ENTPD3: variants seen among roughly 807,000 people sequenced by gnomAD.
The protein encoded by ENTPD3 is CD39 antigen-like 3.
A neutral mutation model predicts 51.2 loss-of-function variants in ENTPD3; 60 were observed. That is an observed-to-expected ratio of 1.17 (90% CI 0.95 to 1.45). ENTPD3 has a LOEUF of 1.45. ENTPD3 is among the 40% of genes most tolerant of loss of function. The pLI is 0.00. For missense variants in ENTPD3, 593 were observed against 641.1 expected (o/e 0.93, Z 0.81); for synonymous variants, 221 against 238.4 (o/e 0.93, Z 0.67).
intron 10 of ENTPD3, 141 bp from the exon 11 acceptor site, chr3:40,427,131 T>C (rs1956000626): frequency 2.9e-6 from 2 of 686,396 alleles, no homozygotes; most frequent in Non-Finnish European, 5.1e-6. Context: ...GTGTGGTGTC[T>C]TAACTTGGGC....
chr3:40,418,501 A>G (rs1955794655), intron 7 of ENTPD3, among the ~76,000 whole-genome samples: 1 of 152,214 alleles, frequency 6.6e-6, no homozygotes. Context: ...TTACTTTCTT[A>G]TCAATAAGTC....
At chr3:40,409,675 C>T (rs1440702091) in intron 4 of ENTPD3, among the ~76,000 whole-genome samples, 1 of 152,112 alleles carries the variant, frequency 6.6e-6, no homozygotes, top group Non-Finnish European at 1.5e-5. Context: ...AGGAAGTTTC[C>T]AGAGGGACCA....
At chr3:40,423,258 G>T in intron 8 of ENTPD3, 33 bp from the exon 9 acceptor site, 1 of 1,586,354 alleles carries the variant, frequency 6.3e-7, no homozygotes, top group South Asian at 1.1e-5. Context: ...CCCATTCTGA[G>T]AACTAATTTT....
chr3:40,400,615 A>C (rs933639553), intron 3 of ENTPD3, among the ~76,000 whole-genome samples: 1 of 152,134 alleles, frequency 6.6e-6, no homozygotes, highest in Non-Finnish European at 1.5e-5. Flanking sequence ...TATGGGGTGT[A>C]GACTTGGCAT....
intron 10 of ENTPD3, 99 bp downstream of exon 10, chr3:40,424,062 T>C: frequency 6.4e-7 from 1 of 1,566,086 alleles, no homozygotes; most frequent in Non-Finnish European, 8.6e-7. Context: ...ATTAATGAGT[T>C]AAACTCACTG....
intron 3 of ENTPD3, among the ~76,000 whole-genome samples, chr3:40,400,450 C>A (rs972841802): frequency 6.6e-6 from 1 of 152,048 alleles, no homozygotes; most frequent in African/African-American, 2.4e-5. Context: ...GTACCTCTCC[C>A]CAGAGGTCTG....
At chr3:40,405,250 A>G (rs1390809668) in intron 4 of ENTPD3, among the ~76,000 whole-genome samples, 1 of 152,158 alleles carries the variant, frequency 6.6e-6, no homozygotes, top group African/African-American at 2.4e-5. Flanking sequence ...TCATGCCTGT[A>G]ATCCCAGCAC....
At chr3:40,422,438 T>C (rs1259657765) in intron 7 of ENTPD3, among the ~76,000 whole-genome samples, 1 of 151,158 alleles carries the variant, frequency 6.6e-6, no homozygotes, top group Non-Finnish European at 1.5e-5. Flanking sequence ...ACATGTACCA[T>C]GCTGGTGTGC....
chr3:40,399,143 C>T (rs1041504128), intron 3 of ENTPD3, among the ~76,000 whole-genome samples: 1 of 151,972 alleles, frequency 6.6e-6, no homozygotes, highest in Non-Finnish European at 1.5e-5. Flanking sequence ...ATCGATTGAG[C>T]CTGAGAAGTT....
chr3:40,394,348 C>T, intron 3 of ENTPD3: 1 of 321,506 alleles, frequency 3.1e-6, no homozygotes, highest in Non-Finnish European at 6.4e-6. Context: ...TCTTGAACTC[C>T]TGACCTCAGG....
chr3:40,422,409 A>C (rs1955896727), intron 7 of ENTPD3, among the ~76,000 whole-genome samples: 1 of 149,566 alleles, frequency 6.7e-6, no homozygotes, highest in African/African-American at 2.5e-5. Context: ...CACAATGTGC[A>C]GGTTAGTTAC....
At chr3:40,417,948 G>A (rs185484203) in intron 7 of ENTPD3, among the ~76,000 whole-genome samples, 53 of 152,258 alleles carry the variant, frequency 3.5e-4, no homozygotes, top group African/African-American at 1.3e-3. Context: ...CCTATGGAAT[G>A]TGTGTGTTTC....
chr3:40,406,684 T>C (rs1246735523), intron 4 of ENTPD3, among the ~76,000 whole-genome samples: 2 of 152,156 alleles, frequency 1.3e-5, no homozygotes, highest in Non-Finnish European at 2.9e-5. Context: ...TCTTTTCGAT[T>C]GTCATGACTG....
At chr3:40,422,822 G>C in intron 7 of ENTPD3, 28 bp from the exon 8 acceptor site, 1 of 1,591,196 alleles carries the variant, frequency 6.3e-7, no homozygotes, top group East Asian at 2.2e-5. Context: ...AAACATACGT[G>C]TCTAACACCT....
intron 2 of ENTPD3, among the ~76,000 whole-genome samples, chr3:40,389,118 A>C (rs1955002950): frequency 6.6e-6 from 1 of 152,192 alleles, no homozygotes. Flanking sequence ...GTTTTCCCCC[A>C]AAACACTTTG....
chr3:40,411,293 A>G (rs1559513775), intron 4 of ENTPD3, among the ~76,000 whole-genome samples: 1 of 118,122 alleles, frequency 8.5e-6, no homozygotes, highest in African/African-American at 3.9e-5. Flanking sequence ...TCTGTCTCAG[A>G]AAAAAAAAAA....
chr3:40,423,417 G>C lies in ENTPD3; in HGVS notation c.1215+16G>C. On this transcript the variant is annotated intron_variant, in intron 9 of 10. Coordinates refer to ENST00000301825, the MANE Select transcript of ENTPD3 (RefSeq NM_001248.4). The stretch of plus-strand genomic sequence containing the variant: ...TTGGAGTCAGGTCAGTATTTAAAGA[G>C]AAGGGATCAATGTCAGTACAAAAAA... The C allele has an allele frequency of 6.5e-7, 1 of 1,536,552 alleles. No individual in the cohort carries two copies. The highest frequency in any genetic ancestry group is 9.0e-7 in the Non-Finnish European group (1 of 1,110,410).
At chr3:40,413,022 C>A (rs1955669477) in intron 5 of ENTPD3, among the ~76,000 whole-genome samples, 1 of 152,178 alleles carries the variant, frequency 6.6e-6, no homozygotes, top group African/African-American at 2.4e-5. Context: ...AAGGATGGAA[C>A]TGAAACCATG....
chr3:40,400,631 GA>G, intron 3 of ENTPD3, among the ~76,000 whole-genome samples: 1 of 151,968 alleles, frequency 6.6e-6, no homozygotes, highest in African/African-American at 2.4e-5. Context: ...GGCATTGGGG[GA>G]TTTTTTAAGC....
Sources: gnomAD v4.1 joint callset for allele counts (sites outside exome capture counted in the v4.1 genomes callset) on GRCh38, gnomAD v4.1.1 for gene constraint, MANE v1.5 for transcripts, NCBI Gene and HGNC (gene_info 2026-07-23, HGNC 2026-07-21) for gene names.